Variants in SDCCAG8 observed in about 807,000 individuals in gnomAD.
The protein encoded by SDCCAG8 is SHH signaling and ciliogenesis regulator SDCCAG8.
SDCCAG8 carries 74 observed loss-of-function variants against 101.8 expected under a neutral mutation model. That is an observed-to-expected ratio of 0.73 (90% confidence interval 0.60 to 0.88). SDCCAG8 has a LOEUF of 0.88. Among genes scored for constraint, SDCCAG8 ranks in the 40% least tolerant of loss-of-function variants. The pLI is 0.00. For synonymous variants in SDCCAG8, 281 were observed against 292.9 expected, an observed-to-expected ratio of 0.96 and a Z score of 0.41; for missense variants, 787 against 822.6, an observed-to-expected ratio of 0.96 and a Z score of 0.53.
intron 1 of SDCCAG8, among the ~76,000 whole-genome samples, chr1:243,269,540 G>A (rs901884181): frequency 1.3e-5 from 2 of 151,872 alleles, no homozygotes; most frequent in Non-Finnish European, 2.9e-5. Flanking sequence ...GAGCTGTACC[G>A]CCGGGGCTGC....
At chr1:243,267,597 C>T in intron 1 of SDCCAG8, 1 of 562,106 alleles carries the variant, frequency 1.8e-6, no homozygotes, top group Non-Finnish European at 3.2e-6. Context: ...AGCCAAACTC[C>T]CTCTCAAGAA....
intron 16 of SDCCAG8, among the ~76,000 whole-genome samples, chr1:243,454,908 G>A (rs566142195): frequency 1.3e-5 from 2 of 152,164 alleles, no homozygotes; most frequent in East Asian, 1.9e-4. Flanking sequence ...TCCCAGATAC[G>A]GTGGGAATAA....
At chr1:243,490,612 G>A (rs895949903) in intron 17 of SDCCAG8, among the ~76,000 whole-genome samples, 8 of 152,254 alleles carry the variant, frequency 5.3e-5, no homozygotes. Context: ...AGTGGGCATG[G>A]TGCACGCCTG....
intron 5 of SDCCAG8, among the ~76,000 whole-genome samples, chr1:243,288,510 T>G (rs2069861494): frequency 6.6e-6 from 1 of 152,018 alleles, no homozygotes; most frequent in South Asian, 2.1e-4. Context: ...CAATAATACA[T>G]GCATGGTGCT....
At chr1:243,421,395 A>G (rs1309284602) in intron 15 of SDCCAG8, among the ~76,000 whole-genome samples, 2 of 152,206 alleles carry the variant, frequency 1.3e-5, no homozygotes, top group East Asian at 1.9e-4. Context: ...CCCCAGCTTC[A>G]TGCTAGGCTG....
chr1:243,478,983 T>C (rs564746034), intron 16 of SDCCAG8, among the ~76,000 whole-genome samples: 7 of 122,350 alleles, frequency 5.7e-5, no homozygotes, highest in Non-Finnish European at 1.2e-4. Flanking sequence ...AAAAAGAAAG[T>C]GCCTTAATGT....
chr1:243,329,127 T>C (rs971819684), intron 9 of SDCCAG8, among the ~76,000 whole-genome samples: 1 of 152,228 alleles, frequency 6.6e-6, no homozygotes, highest in East Asian at 1.9e-4. Context: ...GCTTAAATTA[T>C]AGAAAAAGTA....
chr1:243,462,363 T>C (rs921309220), intron 16 of SDCCAG8, among the ~76,000 whole-genome samples: 10 of 152,242 alleles, frequency 6.6e-5, no homozygotes, highest in African/African-American at 2.2e-4. Flanking sequence ...AGTCATCTCG[T>C]GCATATAAAG....
At chr1:243,414,442 T>C (rs1190332962) in intron 13 of SDCCAG8, among the ~76,000 whole-genome samples, 3 of 152,086 alleles carry the variant, frequency 2.0e-5, no homozygotes, top group Non-Finnish European at 2.9e-5. Flanking sequence ...GGAGGTGTTG[T>C]TATTAGAAGT....
intron 13 of SDCCAG8, among the ~76,000 whole-genome samples, chr1:243,382,128 C>A (rs2077995648): frequency 6.6e-6 from 1 of 152,104 alleles, no homozygotes; most frequent in Non-Finnish European, 1.5e-5. Context: ...GGAGATAAGA[C>A]TGGAAAGGGG....
intron 16 of SDCCAG8, among the ~76,000 whole-genome samples, chr1:243,467,060 G>A (rs1481252955): frequency 6.6e-6 from 1 of 152,124 alleles, no homozygotes; most frequent in East Asian, 1.9e-4. Context: ...TTGGAAACCT[G>A]GGGGGCACCT....
chr1:243,319,201 A>T (rs1220221192), intron 9 of SDCCAG8, among the ~76,000 whole-genome samples: 1 of 152,048 alleles, frequency 6.6e-6, no homozygotes, highest in Non-Finnish European at 1.5e-5. Context: ...ACCTCCCACC[A>T]GGCCCCACCT....
intron 13 of SDCCAG8, among the ~76,000 whole-genome samples, chr1:243,389,225 G>A (rs962519669): frequency 1.3e-5 from 2 of 150,494 alleles, no homozygotes; most frequent in African/African-American, 4.9e-5. Flanking sequence ...TTCAAGTGGA[G>A]AGAGGGGAGT....
chr1:243,480,725 G>T (rs1298457519), intron 16 of SDCCAG8, among the ~76,000 whole-genome samples: 1 of 114,630 alleles, frequency 8.7e-6, no homozygotes. Context: ...GGATGGGTGG[G>T]ATGGATGAAT....
intron 16 of SDCCAG8, among the ~76,000 whole-genome samples, chr1:243,459,894 C>T (rs900176824): frequency 5.3e-5 from 8 of 152,168 alleles, no homozygotes; most frequent in Non-Finnish European, 7.3e-5. Context: ...TCAGTTTGCA[C>T]GTGCTTCTGA....
chr1:243,481,909 G>T (rs1442420061), intron 16 of SDCCAG8, among the ~76,000 whole-genome samples: 1 of 152,226 alleles, frequency 6.6e-6, no homozygotes, highest in Non-Finnish European at 1.5e-5. Context: ...CACGCATAAG[G>T]ATATAGGCCC....
At chr1:243,408,531 A>T (rs2079947605) in intron 13 of SDCCAG8, among the ~76,000 whole-genome samples, 4 of 152,212 alleles carry the variant, frequency 2.6e-5, no homozygotes. Context: ...GGCTGTCAAG[A>T]TGGATAATAT....
At chr1:243,275,791 A>G (rs1172284166) in intron 4 of SDCCAG8, among the ~76,000 whole-genome samples, 6 of 151,804 alleles carry the variant, frequency 4.0e-5, no homozygotes. Flanking sequence ...TAATAAGAGA[A>G]GAAGGTTAGG....
intron 16 of SDCCAG8, among the ~76,000 whole-genome samples, chr1:243,457,996 T>A (rs1455640513): frequency 3.9e-5 from 6 of 152,262 alleles, no homozygotes; most frequent in Admixed American, 3.9e-4. Flanking sequence ...GGCAGAAATA[T>A]AATTGTCAGG....
Sources: gnomAD v4.1 joint callset for allele counts (sites outside exome capture counted in the v4.1 genomes callset) on GRCh38, gnomAD v4.1.1 for gene constraint, MANE v1.5 for transcripts, NCBI Gene and HGNC (gene_info 2026-07-23, HGNC 2026-07-21) for gene names.